The following MTFR1 variants were observed in gnomAD, a reference collection of about 807,000 sequenced individuals.
The protein encoded by MTFR1 is mitochondrial fission regulator 1.
A neutral mutation model predicts 38.8 loss-of-function variants in MTFR1; 28 were observed. That is an observed-to-expected ratio of 0.72 (90% CI 0.53 to 0.99). MTFR1 has a LOEUF of 0.99. Among genes scored for constraint, MTFR1 ranks in the 50% least tolerant of loss-of-function variants. The pLI, the probability that MTFR1 is intolerant of heterozygous loss-of-function variation, is 0.00. For synonymous variants in MTFR1, 145 were observed against 137.0 expected (o/e 1.06, Z -0.41); for missense variants, 358 against 395.5 (o/e 0.91, Z 0.81).
At chr8:65,697,548 T>C (rs1352146688) in intron 4 of MTFR1, among the ~76,000 whole-genome samples, 1 of 152,266 alleles carries the variant, frequency 6.6e-6, no homozygotes, top group Non-Finnish European at 1.5e-5. Flanking sequence ...TCTAGGTTGA[T>C]TCCAGTTTTT....
intron 3 of MTFR1, among the ~76,000 whole-genome samples, chr8:65,734,023 A>G (rs992076226): frequency 2.2e-4 from 33 of 152,328 alleles, no homozygotes; most frequent in African/African-American, 7.7e-4. Context: ...CCAAATCCAT[A>G]CATTAAGTCT....
intron 4 of MTFR1, among the ~76,000 whole-genome samples, chr8:65,699,345 A>C (rs2129057574): frequency 6.6e-6 from 1 of 152,280 alleles, no homozygotes. Flanking sequence ...ATTTTCCTTT[A>C]GGTATATACC....
intron 3 of MTFR1, among the ~76,000 whole-genome samples, chr8:65,688,498 G>T (rs1805167408): frequency 6.7e-6 from 1 of 148,178 alleles, no homozygotes; most frequent in Admixed American, 6.7e-5. Flanking sequence ...GCCCAGGCTG[G>T]AGTGCAGTGG....
chr8:65,689,946 G>C (rs1805222479), intron 3 of MTFR1, among the ~76,000 whole-genome samples: 3 of 152,186 alleles, frequency 2.0e-5, no homozygotes, highest in Admixed American at 2.0e-4. Context: ...TGGTTCTTGA[G>C]AGCATCATTA....
At chr8:65,738,339 A>C (rs563128820) in intron 3 of MTFR1, among the ~76,000 whole-genome samples, 1 of 152,236 alleles carries the variant, frequency 6.6e-6, no homozygotes. Flanking sequence ...AATGAGGGTC[A>C]GAAAATGAGA....
intron 3 of MTFR1, among the ~76,000 whole-genome samples, chr8:65,768,167 G>C (rs1808891100): frequency 6.6e-6 from 1 of 152,138 alleles, no homozygotes; most frequent in Non-Finnish European, 1.5e-5. Flanking sequence ...AGAGCAGAGG[G>C]AAAACACAGT....
At position 65,733,577 on chromosome 8, in the gene MTFR1, G is replaced by A. The variant is rs758129732; in HGVS notation, c.*48+14096G>A. Among the ~76,000 whole-genome samples the A allele has an allele frequency of 4.1e-4, 63 of 152,030 alleles. 1 individual carries two copies. The highest frequency in any genetic ancestry group is 8.1e-4 in the Non-Finnish European group (55 of 67,990). On this transcript the variant is annotated intron_variant, in intron 3 of 3. Coordinates refer to the MTFR1 transcript ENST00000521247. ...CGAGGCTGCAGTGAGCCATGATCAC[G>A]CCACTGCACTCCAGCCTGGCAACAC...
chr8:65,726,791 C>A (rs1026484362), intron 3 of MTFR1: 1 of 734,604 alleles, frequency 1.4e-6, no homozygotes. Flanking sequence ...CTGAACATAA[C>A]AATTTTTAAA....
At chr8:65,764,851 TAC>T (rs991462540) in intron 3 of MTFR1, among the ~76,000 whole-genome samples, 1 of 152,194 alleles carries the variant, frequency 6.6e-6, no homozygotes, top group Non-Finnish European at 1.5e-5. Flanking sequence ...TATGCTTTCA[TAC>T]AGTCATTGTA....
intron 3 of MTFR1, among the ~76,000 whole-genome samples, chr8:65,757,766 G>A (rs1410756188): frequency 1.3e-5 from 2 of 152,056 alleles, no homozygotes; most frequent in African/African-American, 4.8e-5. Context: ...CTACAGACGT[G>A]TGCCACCACG....
intron 3 of MTFR1, chr8:65,683,078 C>G (rs777832405): frequency 2.4e-5 from 5 of 206,808 alleles, no homozygotes; most frequent in Non-Finnish European, 3.4e-5. Flanking sequence ...CAACTCTACT[C>G]TTTGCTTGGA....
chr8:65,679,075 G>A (rs1437211950), intron 2 of MTFR1, among the ~76,000 whole-genome samples: 1 of 152,142 alleles, frequency 6.6e-6, no homozygotes, highest in Non-Finnish European at 1.5e-5. Context: ...ATTTTTCTTT[G>A]TGAGCTTTTT....
At chr8:65,655,970 C>CTATATATATGTATATATATATATAT (rs1809252480) in intron 1 of MTFR1, among the ~76,000 whole-genome samples, 1 of 53,624 alleles carries the variant, frequency 1.9e-5, no homozygotes, top group East Asian at 5.6e-4. Context: ...ATATATATAC[C>CTATATATATGTATATATATATATAT]ATATATATAT....
rs1360378202 is a variant in MTFR1, at chr8:65,709,197, A to G, written c.*153A>G. On this transcript the variant is annotated 3_prime_UTR_variant, in exon 8 of 8. Coordinates refer to ENST00000262146, the MANE Select transcript of MTFR1 (RefSeq NM_014637.4). ...TAGTGGATTAAGCAATAATGAAAGCACTAAGTTTGGTTTTGCTTTTGTGAG... is the reference window on the plus strand; with the variant it reads ...TAGTGGATTAAGCAATAATGAAAGCGCTAAGTTTGGTTTTGCTTTTGTGAG... The G allele has an allele frequency of 2.9e-6, 2 of 696,746 alleles. No homozygotes were observed. The highest frequency in any genetic ancestry group is 5.1e-4 in the Middle Eastern group (2 of 3,902). The allele number at this position is 696,746 out of a possible 1,614,324, so 43.2% of individuals were successfully genotyped here. A position where few individuals can be genotyped will look rare whatever the true frequency, so the allele number is the denominator to read the frequency against.
At chr8:65,770,858 T>C (rs1809049054) in intron 3 of MTFR1, 1 of 156,978 alleles carries the variant, frequency 6.4e-6, no homozygotes, top group Non-Finnish European at 1.4e-5. Flanking sequence ...AGGAATTTGT[T>C]TAGATGTGAG....
intron 4 of MTFR1, among the ~76,000 whole-genome samples, chr8:65,700,603 G>C (rs1805587562): frequency 6.6e-6 from 1 of 151,996 alleles, no homozygotes; most frequent in Non-Finnish European, 1.5e-5. Context: ...TTTCATAGTA[G>C]TATTCTAAGG....
At chr8:65,771,319 T>C (rs923778325), downstream of MTFR1, 1 of 152,790 alleles carries the variant, frequency 6.5e-6, no homozygotes, top group Non-Finnish European at 1.5e-5. Context: ...GTAAACAGAA[T>C]ATGTTCAACA....
chr8:65,770,795 T>G (rs1187780678), intron 3 of MTFR1, among the ~76,000 whole-genome samples: 1 of 152,244 alleles, frequency 6.6e-6, no homozygotes. Flanking sequence ...CTGTAACAAT[T>G]TGAACTTCTT....
chr8:65,757,601 T>TTTTTG lies in MTFR1; in HGVS notation c.*49-13322_*49-13318dup, dbSNP rs368448878. Among the ~76,000 whole-genome samples the TTTTTG allele has an allele frequency of 3.6e-3, 533 of 148,670 alleles. 3 individuals are homozygous for TTTTTG. Among genetic ancestry groups the TTTTTG allele is most frequent in the African/African-American group, 0.011 (465 of 41,418 alleles). On this transcript the variant is annotated intron_variant, in intron 3 of 3. Coordinates refer to the MTFR1 transcript ENST00000521247. Reference sequence around the variant, plus strand: ...TGTTGTCTCTTGCTCCAAGACTTTGTTTTTGTTTTGTTTTGTTTTGTTTTG... The same window carrying TTTTTG: ...TGTTGTCTCTTGCTCCAAGACTTTGTTTTTGTTTTGTTTTGTTTTGTTTTGTTTTG...
Sources: gnomAD v4.1 joint callset for allele counts (sites outside exome capture counted in the v4.1 genomes callset) on GRCh38, gnomAD v4.1.1 for gene constraint, MANE v1.5 for transcripts, NCBI Gene and HGNC (gene_info 2026-07-23, HGNC 2026-07-21) for gene names.